HDAC8: variants seen among roughly 807,000 people sequenced by gnomAD.
The protein encoded by HDAC8 is histone deacetylase 8.
In HDAC8, 1 loss-of-function variant was observed where a neutral mutation model predicts 32.2. That is an observed-to-expected ratio of 0.03 (90% CI 0.01 to 0.15). HDAC8 has a LOEUF of 0.15. Among genes scored for constraint, HDAC8 ranks in the 10% least tolerant of loss-of-function variants. The pLI is 1.00. For missense variants in HDAC8, 117 were observed against 300.0 expected (o/e 0.39, Z 4.51); for synonymous variants, 108 against 113.9 (o/e 0.95, Z 0.33).
chrX:72,449,763 G>A (rs188275878), intron 9 of HDAC8, among the ~76,000 whole-genome samples: 2 of 111,240 alleles, frequency 1.8e-5, no homozygotes, highest in Admixed American at 1.9e-4. Flanking sequence ...CACTTCAAAT[G>A]TAATGATATA....
rs193075559 is a variant in HDAC8, at chrX:72,497,512, T to A, written c.438-2244A>T. ...GGGCAAATGAGACTAACTTAGTAAT[T>A]TTTGGCTTACTAAAACCAGCCATGT... is the stretch of plus-strand genomic sequence containing the variant. On this transcript the variant is annotated intron_variant, in intron 4 of 10. Coordinates refer to ENST00000373573, the MANE Select transcript of HDAC8 (RefSeq NM_018486.3). Among the ~76,000 whole-genome samples, 6 of 111,810 alleles carry A rather than the reference T, an allele frequency of 5.4e-5. No homozygotes were observed. In the East Asian group the frequency reaches 1.7e-3, roughly 32 times the overall value.
At chrX:72,399,001 T>C (rs928421126) in intron 9 of HDAC8, among the ~76,000 whole-genome samples, 10 of 110,976 alleles carry the variant, frequency 9.0e-5, no homozygotes, top group African/African-American at 2.6e-4. Flanking sequence ...CCCTAGACCC[T>C]GAGTACTAAA....
chrX:72,462,165 G>T, intron 8 of HDAC8, 67 bp from the exon 9 acceptor site: 2 of 832,033 alleles, frequency 2.4e-6, no homozygotes, highest in South Asian at 4.5e-5. Flanking sequence ...GGGAAGGGGG[G>T]TAAGGAAAGA....
At chrX:72,477,290 T>C (rs1556001068) in intron 7 of HDAC8, among the ~76,000 whole-genome samples, 1 of 112,025 alleles carries the variant, frequency 8.9e-6, no homozygotes, top group Non-Finnish European at 1.9e-5. Flanking sequence ...CCTTGAAGAA[T>C]TCACAATTTA....
chrX:72,341,788 T>G (rs782422224), intron 10 of HDAC8, among the ~76,000 whole-genome samples: 139 of 112,069 alleles, frequency 1.2e-3, no homozygotes, highest in African/African-American at 4.3e-3. Flanking sequence ...ATTTATTAGC[T>G]AATGAAATTA....
At chrX:72,360,121 G>A (rs2044504806) in intron 9 of HDAC8, among the ~76,000 whole-genome samples, 1 of 109,638 alleles carries the variant, frequency 9.1e-6, no homozygotes, top group African/African-American at 3.3e-5. Flanking sequence ...CTTTAGGAGG[G>A]TGAGGCGGGC....
intron 1 of HDAC8, 28 bp from the exon 2 acceptor site, chrX:72,572,137 A>G (rs1197243092): frequency 9.6e-6 from 11 of 1,143,753 alleles, no homozygotes; most frequent in Non-Finnish European, 1.2e-5. Flanking sequence ...AAAAAAAAAA[A>G]AGAAAAGCAG....
chrX:72,521,553 C>T (rs2049982569), intron 4 of HDAC8, among the ~76,000 whole-genome samples: 1 of 110,677 alleles, frequency 9.0e-6, no homozygotes. Flanking sequence ...ACCAGGGAAA[C>T]CTTGTTCACC....
intron 7 of HDAC8, among the ~76,000 whole-genome samples, chrX:72,485,315 T>A (rs1430747098): frequency 9.0e-6 from 1 of 111,588 alleles, no homozygotes; most frequent in Non-Finnish European, 1.9e-5. Flanking sequence ...AATTGAATGA[T>A]CTAGGGAGAT....
intron 4 of HDAC8, among the ~76,000 whole-genome samples, chrX:72,515,587 T>TGGGGGGGGGGGGGG (rs61675419): frequency 3.0e-5 from 1 of 33,733 alleles, no homozygotes; most frequent in Non-Finnish European, 6.3e-5. Flanking sequence ...TCAGTGTGTG[T>TGGGGGGGGGGGGGG]GGGGGGGGGG....
chrX:72,472,734 G>C (rs1569324053), intron 7 of HDAC8, among the ~76,000 whole-genome samples: 1 of 111,727 alleles, frequency 9.0e-6, no homozygotes, highest in Non-Finnish European at 1.9e-5. Context: ...GCTCCATTTT[G>C]ACTATGCTAA....
chrX:72,338,089 T>C (rs2043763777), intron 10 of HDAC8, among the ~76,000 whole-genome samples: 1 of 112,052 alleles, frequency 8.9e-6, no homozygotes, highest in Admixed American at 9.5e-5. Context: ...CATGATTCTG[T>C]TTTATTTTCT....
intron 9 of HDAC8, among the ~76,000 whole-genome samples, chrX:72,354,622 G>A (rs2044276705): frequency 8.9e-6 from 1 of 112,110 alleles, no homozygotes; most frequent in African/African-American, 3.2e-5. Flanking sequence ...GGGGGAGCTA[G>A]ATTTTGGTGC....
intron 9 of HDAC8, among the ~76,000 whole-genome samples, chrX:72,369,401 C>T (rs1297503921): frequency 8.9e-6 from 1 of 112,010 alleles, no homozygotes; most frequent in African/African-American, 3.2e-5. Context: ...TGGATTGAAT[C>T]AATGAGAAGC....
intron 9 of HDAC8, among the ~76,000 whole-genome samples, chrX:72,361,705 G>C (rs1237982694): frequency 9.8e-6 from 1 of 102,416 alleles, no homozygotes; most frequent in Non-Finnish European, 1.9e-5. Flanking sequence ...AGGCCCTGGG[G>C]GCAAGCTGAG....
chrX:72,434,691 A>G (rs2147958510), intron 9 of HDAC8, among the ~76,000 whole-genome samples: 1 of 111,947 alleles, frequency 8.9e-6, no homozygotes, highest in South Asian at 3.8e-4. Flanking sequence ...AAGAGGTAAT[A>G]GGTCCCTGGC....
At position 72,569,035 on chromosome X, in the gene HDAC8, C is replaced by T. The variant is rs12156784; in HGVS notation, c.165-151G>A. On this transcript the variant is annotated intron_variant, in intron 2 of 10. Coordinates refer to ENST00000373573, the MANE Select transcript of HDAC8 (RefSeq NM_018486.3). The stretch of plus-strand genomic sequence containing the variant: ...GTAATAAACATATTCTGTTCTTCCA[C>T]TGCACTGTGCGGTCTTCACTGCCTC... The T allele has an allele frequency of 0.038, 20,643 of 543,956 alleles. 344 individuals are homozygous for T. The highest frequency in any genetic ancestry group is 0.061 in the Middle Eastern group (106 of 1,750). 44.8% of individuals were successfully genotyped at this position (543,956 alleles called of 1,213,427 possible).
At chrX:72,552,750 T>C (rs782217112) in intron 4 of HDAC8, among the ~76,000 whole-genome samples, 1 of 107,437 alleles carries the variant, frequency 9.3e-6, no homozygotes, top group South Asian at 4.2e-4. Flanking sequence ...CACTCCAGCC[T>C]AGGTGACAGA....
rs1556168138 is a variant in HDAC8, at chrX:72,572,789, C to T, written c.-28G>A. On this transcript the variant is annotated 5_prime_UTR_variant, in exon 1 of 11. The change creates a new upstream start codon in the 5' untranslated region. Transcript: ENST00000373573. ...TCCGCTTAAAACCGTTCCGCAGCCA[C>T]CTTCCAGATCTGGCTTTTTTCGGAC... The T allele has an allele frequency of 1.3e-5, 15 of 1,156,378 alleles. No homozygotes were observed. Among genetic ancestry groups the T allele is most frequent in the Non-Finnish European group, 1.7e-5 (14 of 845,728 alleles).
Sources: gnomAD v4.1 joint callset for allele counts (sites outside exome capture counted in the v4.1 genomes callset) on GRCh38, gnomAD v4.1.1 for gene constraint, MANE v1.5 for transcripts, NCBI Gene and HGNC (gene_info 2026-07-23, HGNC 2026-07-21) for gene names.